Variants in MBD5 observed in about 807,000 individuals in gnomAD.
The protein encoded by MBD5 is methyl-CpG binding domain protein 5, also known as methyl-CpG-binding domain protein 5.
MBD5 carries 13 observed loss-of-function variants against 117.3 expected under a neutral mutation model. The ratio of observed to expected loss-of-function variants is 0.11; its 90% CI spans 0.07 to 0.18. MBD5 has a LOEUF of 0.18. MBD5 is among the 10% of genes least tolerant of loss of function. The pLI is 1.00. For synonymous variants in MBD5, 727 were observed against 766.4 expected, an observed-to-expected ratio of 0.95 and a Z score of 0.85; for missense variants, 1,879 against 2,093.8, an observed-to-expected ratio of 0.90 and a Z score of 2.00.
At chr2:148,299,522 T>G (rs963478612) in intron 3 of MBD5, among the ~76,000 whole-genome samples, 3 of 152,214 alleles carry the variant, frequency 2.0e-5, no homozygotes, top group African/African-American at 7.2e-5. Flanking sequence ...CAAATGTTCA[T>G]TGACTACTAA....
chr2:148,494,892 G>A (rs901295141), intron 11 of MBD5, among the ~76,000 whole-genome samples: 1 of 152,162 alleles, frequency 6.6e-6, no homozygotes, highest in African/African-American at 2.4e-5. Flanking sequence ...GAACCCGGGA[G>A]GTGGAGCTCG....
At chr2:148,465,874 A>G (rs1707245476) in intron 7 of MBD5, among the ~76,000 whole-genome samples, 1 of 152,148 alleles carries the variant, frequency 6.6e-6, no homozygotes, top group Admixed American at 6.6e-5. Context: ...CACATCACAT[A>G]ATATCATATA....
intron 7 of MBD5, among the ~76,000 whole-genome samples, chr2:148,467,390 A>G (rs1680586562): frequency 6.6e-6 from 1 of 152,192 alleles, no homozygotes; most frequent in African/African-American, 2.4e-5. Context: ...CCAAACAGCC[A>G]GAGAAGGAGA....
chr2:148,299,381 G>GGGA (rs1701730219), intron 3 of MBD5, among the ~76,000 whole-genome samples: 3 of 152,082 alleles, frequency 2.0e-5, no homozygotes, highest in Admixed American at 2.0e-4. Context: ...ACCTGCCTCA[G>GGGA]CCTCCCAAAC....
intron 7 of MBD5, 83 bp from the exon 8 acceptor site, chr2:148,468,258 T>C (rs1479796961): frequency 1.3e-5 from 15 of 1,183,354 alleles, no homozygotes; most frequent in Middle Eastern, 4.3e-4. Flanking sequence ...TCTCCCTTCC[T>C]GATTTCCTCC....
At chr2:148,298,837 A>G (rs1701715666) in intron 3 of MBD5, among the ~76,000 whole-genome samples, 1 of 152,224 alleles carries the variant, frequency 6.6e-6, no homozygotes, top group African/African-American at 2.4e-5. Context: ...ACGAATAGGC[A>G]CAACCTAACC....
intron 4 of MBD5, among the ~76,000 whole-genome samples, chr2:148,450,883 A>G (rs1043503200): frequency 2.6e-5 from 4 of 152,192 alleles, no homozygotes; most frequent in African/African-American, 9.6e-5. Flanking sequence ...ATGGCCTGGA[A>G]TAAATAAACT....
chr2:148,515,928 C>T lies in MBD5; in HGVS notation c.*2987C>T, dbSNP rs768413917. 1.3e-5 allele frequency: 2 copies of T among 152,110 alleles called. No homozygotes were observed. The highest frequency in any genetic ancestry group is 4.1e-4 in the South Asian group (2 of 4,830). The allele number at this position is 152,110 out of a possible 1,614,324, so 9.4% of individuals were successfully genotyped here. ...CAGGGTTTTTATTTATTTAAAGGAA[C>T]ATTTTTGGCTTGTACTTTTCAGTGC... On this transcript the variant is annotated 3_prime_UTR_variant, in exon 14 of 14. Coordinates refer to ENST00000642680, the MANE Select transcript of MBD5 (RefSeq NM_001378120.1).
At chr2:148,137,188 C>G (rs548626103) in intron 1 of MBD5, among the ~76,000 whole-genome samples, 2 of 152,280 alleles carry the variant, frequency 1.3e-5, no homozygotes, top group Non-Finnish European at 2.9e-5. Context: ...TCTGTTCCCC[C>G]TGATTTTCTC....
At chr2:148,089,021 C>A (rs774899252) in intron 1 of MBD5, among the ~76,000 whole-genome samples, 10 of 151,884 alleles carry the variant, frequency 6.6e-5, no homozygotes, top group Admixed American at 6.6e-5. Context: ...ATATTCCATG[C>A]AAATGGAAAC....
intron 8 of MBD5, among the ~76,000 whole-genome samples, chr2:148,482,686 CAAAT>C (rs1341455707): frequency 4.6e-5 from 7 of 151,956 alleles, no homozygotes; most frequent in South Asian, 2.1e-4. Context: ...TAAATAAAGA[CAAAT>C]AACTTTTTTA....
chr2:148,205,949 T>C (rs1019689168), intron 2 of MBD5, among the ~76,000 whole-genome samples: 7 of 151,896 alleles, frequency 4.6e-5, no homozygotes, highest in Admixed American at 2.6e-4. Flanking sequence ...GAGACCACCC[T>C]GGGCAACATG....
rs186638695 is a variant in MBD5 at position 148,151,856 on chromosome 2, C to T, written c.-924-26844C>T. ...TTTCTTTCTTTATTCGTCTTGCTAGCGGTCTATCAATTTTGTTGATCCTTT... is the reference window on the plus strand; with the variant it reads ...TTTCTTTCTTTATTCGTCTTGCTAGTGGTCTATCAATTTTGTTGATCCTTT... On this transcript the variant is annotated intron_variant, in intron 1 of 13. Coordinates refer to ENST00000642680, the MANE Select transcript of MBD5 (RefSeq NM_001378120.1). 5.0e-4 allele frequency among the ~76,000 whole-genome samples: 76 copies of T among 151,928 alleles called. 1 individual carries two copies. The highest frequency in any genetic ancestry group is 1.5e-3 in the African/African-American group (61 of 41,422).
chr2:148,511,743 T>C (rs1252526757), intron 13 of MBD5, among the ~76,000 whole-genome samples: 2 of 152,188 alleles, frequency 1.3e-5, no homozygotes, highest in African/African-American at 4.8e-5. Context: ...TACTACAGAA[T>C]AGTTGTTTTA....
At chr2:148,178,572 A>G (rs1698442204) in intron 1 of MBD5, 128 bp from the exon 2 acceptor site, 1 of 380,314 alleles carries the variant, frequency 2.6e-6, no homozygotes, top group Admixed American at 4.5e-5. Context: ...ATGTCCTATA[A>G]TACATCCCTT....
intron 5 of MBD5, among the ~76,000 whole-genome samples, chr2:148,461,486 T>C (rs924276962): frequency 1.3e-5 from 2 of 152,216 alleles, no homozygotes; most frequent in Non-Finnish European, 2.9e-5. Flanking sequence ...TTTTAAAAAA[T>C]ACTACTTGTG....
At chr2:148,503,579 A>C (rs981700912) in intron 12 of MBD5, among the ~76,000 whole-genome samples, 2 of 152,202 alleles carry the variant, frequency 1.3e-5, no homozygotes, top group African/African-American at 4.8e-5. Context: ...TCTTCACCTC[A>C]ATAAAAGGTA....
intron 4 of MBD5, among the ~76,000 whole-genome samples, chr2:148,386,529 T>TAAA (rs1704368790): frequency 6.6e-6 from 1 of 151,366 alleles, no homozygotes; most frequent in African/African-American, 2.4e-5. Flanking sequence ...CCATCCCGGC[T>TAAA]AAAACGGTGA....
intron 3 of MBD5, among the ~76,000 whole-genome samples, chr2:148,238,439 A>G (rs1277038496): frequency 6.6e-6 from 1 of 152,186 alleles, no homozygotes; most frequent in Non-Finnish European, 1.5e-5. Flanking sequence ...GATTTGAGGA[A>G]TCTTCTTGGG....
Sources: gnomAD v4.1 joint callset for allele counts (sites outside exome capture counted in the v4.1 genomes callset) on GRCh38, gnomAD v4.1.1 for gene constraint, MANE v1.5 for transcripts, NCBI Gene and HGNC (gene_info 2026-07-23, HGNC 2026-07-21) for gene names.